EDIL3: variants seen among roughly 807,000 people sequenced by gnomAD.
EDIL3 encodes the protein EGF like and discoidin domains 3.
A neutral mutation model predicts 67.4 loss-of-function variants in EDIL3; 37 were observed. That is an observed-to-expected ratio of 0.55 (90% CI 0.42 to 0.72). The LOEUF is 0.72. Ranked by LOEUF, EDIL3 falls within the 30% of genes least tolerant of loss-of-function variation. The probability of loss-of-function intolerance (pLI) is 0.00; values close to 1 mark genes in which losing one functional copy is unlikely to be tolerated. For synonymous variants in EDIL3, 195 were observed against 196.3 expected (o/e 0.99, Z 0.05); for missense variants, 527 against 586.3 (o/e 0.90, Z 1.04).
At chr5:84,264,274 G>A (rs926346840) in intron 1 of EDIL3, among the ~76,000 whole-genome samples, 5 of 152,102 alleles carry the variant, frequency 3.3e-5, no homozygotes, top group Non-Finnish European at 7.4e-5. Flanking sequence ...AATTGAAGGA[G>A]TTCCCATTTG....
chr5:84,119,212 GTTTTTTT>G (rs66522256), intron 5 of EDIL3, among the ~76,000 whole-genome samples: 9 of 82,306 alleles, frequency 1.1e-4, no homozygotes, highest in Non-Finnish European at 1.5e-4. Context: ...CATGCATTTG[GTTTTTTT>G]TTTTTTTTTT....
intron 9 of EDIL3, among the ~76,000 whole-genome samples, chr5:84,021,986 A>T (rs1745725626): frequency 6.6e-6 from 1 of 151,932 alleles, no homozygotes; most frequent in Non-Finnish European, 1.5e-5. Flanking sequence ...AGAAGAACTA[A>T]TACCAATCCT....
At chr5:84,167,707 C>T (rs979024467) in intron 4 of EDIL3, among the ~76,000 whole-genome samples, 6 of 152,078 alleles carry the variant, frequency 3.9e-5, no homozygotes, top group African/African-American at 1.4e-4. Context: ...TGAGAATAGG[C>T]AAGTGGCCCA....
chr5:84,225,095 C>T (rs1277096239), intron 3 of EDIL3, among the ~76,000 whole-genome samples: 1 of 151,536 alleles, frequency 6.6e-6, no homozygotes, highest in Non-Finnish European at 1.5e-5. Flanking sequence ...GCTAAAGAAG[C>T]AGGTGTTAAC....
intron 6 of EDIL3, among the ~76,000 whole-genome samples, chr5:84,101,154 G>C (rs942489743): frequency 6.6e-6 from 1 of 151,974 alleles, no homozygotes; most frequent in South Asian, 2.1e-4. Context: ...GACCTGTGTT[G>C]CAATAAACAT....
chr5:84,022,719 T>C (rs1745741573), intron 9 of EDIL3, among the ~76,000 whole-genome samples: 1 of 151,782 alleles, frequency 6.6e-6, no homozygotes, highest in Non-Finnish European at 1.5e-5. Context: ...ATCAACATAC[T>C]ATAGTAATAG....
chr5:84,356,646 T>C (rs1747488048), intron 1 of EDIL3, among the ~76,000 whole-genome samples: 1 of 152,194 alleles, frequency 6.6e-6, no homozygotes, highest in Admixed American at 6.5e-5. Context: ...CGTAATCATA[T>C]CTACACAGTC....
chr5:83,991,290 T>C (rs976875031), intron 9 of EDIL3, among the ~76,000 whole-genome samples: 1 of 152,116 alleles, frequency 6.6e-6, no homozygotes, highest in African/African-American at 2.4e-5. Flanking sequence ...AATAGTAAGA[T>C]CTGACATTGT....
chr5:84,073,144 C>T (rs369311032), intron 6 of EDIL3, among the ~76,000 whole-genome samples: 2 of 152,128 alleles, frequency 1.3e-5, no homozygotes, highest in Non-Finnish European at 2.9e-5. Flanking sequence ...CAAAATTCAA[C>T]AACTCTTCAT....
At chr5:83,996,802 C>A (rs189843463) in intron 9 of EDIL3, among the ~76,000 whole-genome samples, 4 of 152,308 alleles carry the variant, frequency 2.6e-5, no homozygotes, top group African/African-American at 9.6e-5. Flanking sequence ...AACCATCCTA[C>A]TGTACTGACC....
chr5:84,037,051 G>C (rs1377392151), intron 9 of EDIL3, among the ~76,000 whole-genome samples: 1 of 152,134 alleles, frequency 6.6e-6, no homozygotes, highest in Non-Finnish European at 1.5e-5. Flanking sequence ...AGGGTACCCA[G>C]CTGAGAGGAT....
intron 2 of EDIL3, among the ~76,000 whole-genome samples, chr5:84,247,553 T>C (rs1744932859): frequency 6.6e-6 from 1 of 152,136 alleles, no homozygotes; most frequent in Admixed American, 6.6e-5. Flanking sequence ...GGGATAAATA[T>C]ATTCAATTTT....
intron 1 of EDIL3, among the ~76,000 whole-genome samples, chr5:84,282,243 C>A (rs536301572): frequency 6.6e-6 from 1 of 152,176 alleles, no homozygotes; most frequent in Non-Finnish European, 1.5e-5. Context: ...TTATTACATT[C>A]TTTTCTCTTG....
intron 1 of EDIL3, among the ~76,000 whole-genome samples, chr5:84,376,006 T>C (rs1460952747): frequency 6.6e-6 from 1 of 152,184 alleles, no homozygotes; most frequent in African/African-American, 2.4e-5. Context: ...TAAAATCATT[T>C]AACAAAATAT....
chr5:83,969,434 A>G (rs1744752940), intron 9 of EDIL3, among the ~76,000 whole-genome samples: 1 of 151,894 alleles, frequency 6.6e-6, no homozygotes, highest in African/African-American at 2.4e-5. Context: ...ACATACAAAT[A>G]ATAGTAATTC....
At chr5:84,323,058 T>C (rs1007985177) in intron 1 of EDIL3, among the ~76,000 whole-genome samples, 3 of 152,044 alleles carry the variant, frequency 2.0e-5, no homozygotes, top group South Asian at 2.1e-4. Flanking sequence ...AATCTATTAT[T>C]TTAGTAATGG....
At chr5:84,021,842 T>C (rs761717929) in intron 9 of EDIL3, among the ~76,000 whole-genome samples, 4 of 151,784 alleles carry the variant, frequency 2.6e-5, no homozygotes, top group Admixed American at 6.6e-5. Flanking sequence ...CCTACCAAGA[T>C]TGAATTTAGA....
intron 10 of EDIL3, among the ~76,000 whole-genome samples, chr5:83,958,241 C>A (rs951054644): frequency 8.6e-5 from 13 of 151,456 alleles, no homozygotes; most frequent in African/African-American, 3.1e-4. Context: ...TTAGCTGGGG[C>A]CTCTGTAAAC....
At chr5:84,316,245 A>T (rs1311989645) in intron 1 of EDIL3, among the ~76,000 whole-genome samples, 1 of 152,208 alleles carries the variant, frequency 6.6e-6, no homozygotes, top group Non-Finnish European at 1.5e-5. Context: ...GACAGGATCA[A>T]ATTCACACAT....
Sources: allele counts gnomAD v4.1 joint callset (sites outside exome capture counted in the v4.1 genomes callset), GRCh38; gene constraint gnomAD v4.1.1; transcripts MANE v1.5; gene names NCBI Gene and HGNC (gene_info 2026-07-23, HGNC 2026-07-21).